BACE2: variants seen among roughly 807,000 people sequenced by gnomAD.
The protein encoded by BACE2 is 56 kDa aspartic-like protease.
Under a neutral mutation model 46.2 loss-of-function variants are expected in BACE2, and 17 were observed. That is an observed-to-expected ratio of 0.37 (90% CI 0.25 to 0.55). BACE2 has a LOEUF of 0.55. Ranked by LOEUF, BACE2 falls within the 20% of genes least tolerant of loss-of-function variation. The probability of loss-of-function intolerance (pLI) is 0.82; values close to 1 mark genes in which losing one functional copy is unlikely to be tolerated. For synonymous variants in BACE2, 277 were observed against 295.9 expected, an observed-to-expected ratio of 0.94 and a Z score of 0.66; for missense variants, 595 against 698.1, an observed-to-expected ratio of 0.85 and a Z score of 1.66.
At chr21:41,270,522 T>A (rs530582402) in intron 8 of BACE2, among the ~76,000 whole-genome samples, 214 of 152,246 alleles carry the variant, frequency 1.4e-3, no homozygotes, top group Non-Finnish European at 1.8e-3. Flanking sequence ...CCTCAAGTGA[T>A]CCTCCTACCA....
intron 1 of BACE2, among the ~76,000 whole-genome samples, chr21:41,174,467 C>T (rs1306253255): frequency 6.6e-6 from 1 of 152,000 alleles, no homozygotes; most frequent in Non-Finnish European, 1.5e-5. Context: ...GGTGGTGGTA[C>T]GTAGCTGCAT....
At chr21:41,221,586 G>T (rs1986648892) in intron 1 of BACE2, among the ~76,000 whole-genome samples, 1 of 152,198 alleles carries the variant, frequency 6.6e-6, no homozygotes, top group Non-Finnish European at 1.5e-5. Flanking sequence ...AGCACTTTGG[G>T]AGGCCGCAGA....
intron 1 of BACE2, among the ~76,000 whole-genome samples, chr21:41,190,539 T>C (rs1985531938): frequency 6.6e-6 from 1 of 152,240 alleles, no homozygotes; most frequent in Non-Finnish European, 1.5e-5. Flanking sequence ...GGTCACGTGG[T>C]TGTAGCCGGT....
At chr21:41,216,710 G>A (rs1986480520) in intron 1 of BACE2, among the ~76,000 whole-genome samples, 1 of 152,240 alleles carries the variant, frequency 6.6e-6, no homozygotes, top group Non-Finnish European at 1.5e-5. Flanking sequence ...GGGCTGCTGT[G>A]TGGAGGGCAA....
At chr21:41,235,744 A>G (rs779105560) in intron 2 of BACE2, among the ~76,000 whole-genome samples, 1 of 152,240 alleles carries the variant, frequency 6.6e-6, no homozygotes, top group Non-Finnish European at 1.5e-5. Flanking sequence ...CAGTAGGCAG[A>G]GGTGGGAGGA....
intron 8 of BACE2, among the ~76,000 whole-genome samples, chr21:41,257,907 C>A (rs1210293809): frequency 6.6e-6 from 1 of 152,148 alleles, no homozygotes; most frequent in African/African-American, 2.4e-5. Flanking sequence ...GATAGATAAA[C>A]CCCATAAGCT....
At chr21:41,238,839 A>T (rs1987205615) in intron 3 of BACE2, among the ~76,000 whole-genome samples, 1 of 146,730 alleles carries the variant, frequency 6.8e-6, no homozygotes, top group South Asian at 2.3e-4. Context: ...GCCTTGGGAG[A>T]TATACCTAAT....
chr21:41,234,646 T>G (rs1410857729), intron 2 of BACE2, among the ~76,000 whole-genome samples: 1 of 152,250 alleles, frequency 6.6e-6, no homozygotes, highest in African/African-American at 2.4e-5. Flanking sequence ...TTTCTGAACT[T>G]GAGGAATGAA....
At chr21:41,178,575 T>C (rs971997142) in intron 1 of BACE2, 1 of 150,152 alleles carries the variant, frequency 6.7e-6, no homozygotes, top group Admixed American at 6.4e-5. Flanking sequence ...ATCTATATAA[T>C]TTTTTTTTTA....
intron 1 of BACE2, among the ~76,000 whole-genome samples, chr21:41,194,217 G>A (rs1414773196): frequency 1.4e-5 from 2 of 141,954 alleles, no homozygotes; most frequent in Admixed American, 1.4e-4. Flanking sequence ...GGAACACCAT[G>A]ATTAATTAAC....
chr21:41,241,287 T>G (rs1314667824), intron 3 of BACE2, among the ~76,000 whole-genome samples: 1 of 152,138 alleles, frequency 6.6e-6, no homozygotes, highest in Non-Finnish European at 1.5e-5. Flanking sequence ...CTTTCCTGCT[T>G]CTTTCCTGCC....
chr21:41,233,513 G>C (rs1457537519), intron 2 of BACE2, among the ~76,000 whole-genome samples: 1 of 152,214 alleles, frequency 6.6e-6, no homozygotes, highest in Non-Finnish European at 1.5e-5. Flanking sequence ...ACCTGAGCAG[G>C]AAACTAGAGA....
At chr21:41,197,381 G>C (rs1985776437) in intron 1 of BACE2, among the ~76,000 whole-genome samples, 1 of 151,334 alleles carries the variant, frequency 6.6e-6, no homozygotes, top group Admixed American at 6.6e-5. Context: ...GTGTTAGCAA[G>C]TGACTGGCAG....
At chr21:41,264,476 T>A (rs1988019076) in intron 8 of BACE2, among the ~76,000 whole-genome samples, 1 of 151,952 alleles carries the variant, frequency 6.6e-6, no homozygotes, top group South Asian at 2.1e-4. Context: ...TTTAATTGGC[T>A]CATGGTTCTG....
intron 1 of BACE2, among the ~76,000 whole-genome samples, chr21:41,220,426 G>T (rs1175478897): frequency 6.6e-6 from 1 of 152,152 alleles, no homozygotes; most frequent in Non-Finnish European, 1.5e-5. Context: ...TGCTCTTTCT[G>T]GTGACCAGCC....
chr21:41,274,176 C>G (rs138339628), intron 8 of BACE2, among the ~76,000 whole-genome samples: 1 of 152,150 alleles, frequency 6.6e-6, no homozygotes, highest in East Asian at 1.9e-4. Flanking sequence ...CCTCTGTTCT[C>G]GGTGTTGGCA....
chr21:41,231,266 C>A (rs560196374), intron 2 of BACE2, among the ~76,000 whole-genome samples: 1 of 152,214 alleles, frequency 6.6e-6, no homozygotes, highest in East Asian at 1.9e-4. Context: ...CCAGGCTGGG[C>A]AGGCTGAGCT....
intron 3 of BACE2, among the ~76,000 whole-genome samples, chr21:41,240,002 C>T (rs1307044230): frequency 6.6e-6 from 1 of 152,250 alleles, no homozygotes; most frequent in Non-Finnish European, 1.5e-5. Context: ...GGGGTTTGCT[C>T]AGACCTCCTG....
chr21:41,232,029 T>C (rs1314410100), intron 2 of BACE2, among the ~76,000 whole-genome samples: 1 of 152,144 alleles, frequency 6.6e-6, no homozygotes, highest in African/African-American at 2.4e-5. Flanking sequence ...CCTTTTTTTT[T>C]TTTTTTTTAA....
Sources: allele counts gnomAD v4.1 joint callset (sites outside exome capture counted in the v4.1 genomes callset), GRCh38; gene constraint gnomAD v4.1.1; transcripts MANE v1.5; gene names NCBI Gene and HGNC (gene_info 2026-07-23, HGNC 2026-07-21).